Variants in PROC observed in about 807,000 individuals in gnomAD.
The protein encoded by PROC is vitamin K-dependent protein C.
In PROC, 22 loss-of-function variants were observed where a neutral mutation model predicts 36.3. The observed-to-expected ratio is 0.61, with a 90% CI of 0.43 to 0.86. The LOEUF (loss-of-function observed/expected upper bound fraction) is 0.86. PROC is among the 40% of genes least tolerant of loss of function. The pLI, the probability that PROC is intolerant of heterozygous loss-of-function variation, is 0.00. For missense variants in PROC, 526 were observed against 629.7 expected, an observed-to-expected ratio of 0.84 and a Z score of 1.76; for synonymous variants, 218 against 244.5, an observed-to-expected ratio of 0.89 and a Z score of 1.01.
rs1688197405 is a variant in PROC, at chr2:127,422,903, C to A, written c.238-14C>A. 1 of 1,558,474 alleles carries A rather than the reference C, an allele frequency of 6.4e-7. No individual in the cohort carries two copies. The highest frequency in any genetic ancestry group is 1.9e-5 in the Admixed American group (1 of 51,930). On this transcript the variant is annotated splice_polypyrimidine_tract_variant and intron_variant, in intron 3 of 8. Transcript: ENST00000234071. ...CCGGCTGCAGGAGCCTGACGCTGCC[C>A]GCTCTCTCCGCAGCTGGCCTTCTGG... is the stretch of plus-strand genomic sequence containing the variant.
rs1688721340 is a variant in PROC, at chr2:127,429,080, C to T, written c.*134C>T. The T allele has an allele frequency of 1.1e-6, 1 of 949,052 alleles. No individual in the cohort carries two copies. Among genetic ancestry groups the T allele is most frequent in the Non-Finnish European group, 1.6e-6 (1 of 613,188 alleles). 58.8% of individuals were successfully genotyped at this position (949,052 alleles called of 1,614,324 possible). A position where few individuals can be genotyped will look rare whatever the true frequency, so the allele number is the denominator to read the frequency against. On this transcript the variant is annotated 3_prime_UTR_variant, in exon 9 of 9. Transcript: ENST00000234071. ...CTCTTCTGGAGGGAAGTAACATTTA[C>T]TGAGCACCTGTTGTATGTCACATGC... is the stretch of plus-strand genomic sequence containing the variant.
rs956466492 is a variant in PROC at position 127,426,608 on chromosome 2, C to T, written c.678+381C>T. 8.5e-6 allele frequency: 3 copies of T among 352,578 alleles called. No individual in the cohort carries two copies. The Admixed American group carries it at 1.2e-4, about 14-fold the overall frequency. The allele number at this position is 352,578 out of a possible 1,614,324, so 21.8% of individuals were successfully genotyped here. A position where few individuals can be genotyped will look rare whatever the true frequency, so the allele number is the denominator to read the frequency against. Reference sequence around the variant, plus strand: ...CATGGGAACTGACACTTACTGGGTTCCCCTCTCTGCCAGGCATGGGGGAGA... The same window carrying T: ...CATGGGAACTGACACTTACTGGGTTTCCCTCTCTGCCAGGCATGGGGGAGA... On this transcript the variant is annotated intron_variant, in intron 7 of 8. Coordinates refer to ENST00000234071, the MANE Select transcript of PROC (RefSeq NM_000312.4). The surrounding 1 kb of genome is among the most constrained non-coding windows in gnomAD (Gnocchi z 7.0).
intron 6 of PROC, 197 bp downstream of exon 6, chr2:127,423,605 C>T: frequency 1.4e-6 from 1 of 716,706 alleles, no homozygotes; most frequent in Non-Finnish European, 2.1e-6. Flanking sequence ...GCTGGGCGCG[C>T]CCTCCGCTTT....
At chr2:127,424,499 T>C (rs1324048441) in intron 6 of PROC, among the ~76,000 whole-genome samples, 2 of 152,162 alleles carry the variant, frequency 1.3e-5, no homozygotes, top group Non-Finnish European at 2.9e-5. Context: ...GCGCCCAGCC[T>C]CTTTCAGGGA....
intron 6 of PROC, 113 bp downstream of exon 6, chr2:127,423,521 A>G: frequency 7.2e-7 from 1 of 1,393,698 alleles, no homozygotes; most frequent in Non-Finnish European, 9.6e-7. Flanking sequence ...GGGAGCGAGG[A>G]ACAGAGTTGA....
chr2:127,423,654 G>A (rs527709311), intron 6 of PROC: 2 of 503,548 alleles, frequency 4.0e-6, no homozygotes, highest in East Asian at 7.1e-5. Flanking sequence ...GCCTTCCTCC[G>A]GGCGCCCCCT....
At position 127,423,266 on chromosome 2, in the gene PROC, G is replaced by C; in HGVS notation, c.401-8G>C. On this transcript the variant is annotated splice_polypyrimidine_tract_variant and splice_region_variant and intron_variant, in intron 5 of 8. Coordinates refer to ENST00000234071, the MANE Select transcript of PROC (RefSeq NM_000312.4). ...GCACCAGCTGCCCGCGCCCTCCCCT[G>C]CCCGCAGAGGTGAGCTTCCTCAATT... 6.5e-7 allele frequency: 1 copy of C among 1,545,342 alleles called. No homozygotes were observed. Among genetic ancestry groups the C allele is most frequent in the South Asian group, 1.2e-5 (1 of 83,714 alleles).
chr2:127,423,994 C>A (rs1688314037), intron 6 of PROC, among the ~76,000 whole-genome samples: 1 of 152,102 alleles, frequency 6.6e-6, no homozygotes, highest in African/African-American at 2.4e-5. Context: ...CATTCATTTT[C>A]ATTAAAAGGT....
rs765637777 is a variant in PROC at position 127,428,367 on chromosome 2, C to T, written c.807C>T (p.Asp269=). The part of the protein sequence containing the change: ...KKLLVRLGEY[D]LRRWEKWELD... The stretch of plus-strand genomic sequence containing the variant: ...CCCTCTGCCCTGCAGGAGAGTATGA[C>T]CTGCGGCGCTGGGAGAAGTGGGAGC... The change falls in exon 9 of 9, where the codon GAC becomes GAT. Residue 269 remains aspartate, a synonymous_variant. Transcript: ENST00000234071. 1.9e-6 allele frequency: 3 copies of T among 1,613,972 alleles called. No homozygotes were observed. The highest frequency in any genetic ancestry group is 1.1e-5 in the South Asian group (1 of 91,082).
In PROC at chr2:127,426,101, G is replaced by GAGGC; in HGVS notation, c.553_556dup (p.Pro186GlnfsTer30). 1 of 1,614,112 alleles carries GAGGC rather than the reference G, an allele frequency of 6.2e-7. No individual in the cohort carries two copies. ...CTACCTCAGTGAAGTTCCCTTGTGGGAGGCCCTGGAAGCGGATGGAGAAGA... is the reference window on the plus strand; with the variant it reads ...CTACCTCAGTGAAGTTCCCTTGTGGGAGGCAGGCCCTGGAAGCGGATGGAGAAGA... On this transcript the variant is annotated frameshift_variant, in exon 7 of 9. Coordinates refer to ENST00000234071, the MANE Select transcript of PROC (RefSeq NM_000312.4). LOFTEE classifies it high-confidence loss of function. The surrounding 1 kb of genome is among the most constrained non-coding windows in gnomAD (Gnocchi z 7.0).
chr2:127,422,977 C>T lies in PROC; in HGVS notation c.262+36C>T, dbSNP rs201371512. ...TCTAGATCCCCGGCTGGACTACCGG[C>T]GCCCGCGCCCCTCGGGATCTCTGGC... On this transcript the variant is annotated intron_variant, in intron 4 of 8. Transcript: ENST00000234071. 3 of 1,611,650 alleles carry T rather than the reference C, an allele frequency of 1.9e-6. No homozygotes were observed. In the Admixed American group the frequency reaches 5.0e-5, roughly 27 times the overall value.
Position 127,426,064 on chromosome 2 carries a change from C to T in PROC, c.536-21C>T. On this transcript the variant is annotated intron_variant, in intron 6 of 8. Transcript: ENST00000234071. The surrounding 1 kb of genome is among the most constrained non-coding windows in gnomAD (Gnocchi z 7.0). The stretch of plus-strand genomic sequence containing the variant: ...CGGGAGGAGTGCCTGGCAGGCCCCT[C>T]ACCACCTCTGCCTACCTCAGTGAAG... 1.9e-6 allele frequency: 3 copies of T among 1,613,926 alleles called. No individual in the cohort carries two copies. The South Asian group carries it at 3.3e-5, about 18-fold the overall frequency.
intron 6 of PROC, among the ~76,000 whole-genome samples, chr2:127,425,499 T>C (rs1688433864): frequency 6.6e-6 from 1 of 152,336 alleles, no homozygotes; most frequent in African/African-American, 2.4e-5. Flanking sequence ...ATGCCTATTG[T>C]AGGAGCTCTC....
In PROC at chr2:127,422,774, A is replaced by G. The variant is rs535188418; in HGVS notation, c.238-143A>G. ...GGGGCAGGGAGCACCAGCTCCTAGC[A>G]GCCAACGACCATCGGGCGTCGATCC... On this transcript the variant is annotated intron_variant, in intron 3 of 8. Coordinates refer to ENST00000234071, the MANE Select transcript of PROC (RefSeq NM_000312.4). The G allele has an allele frequency of 4.2e-6, 5 of 1,186,464 alleles. No individual in the cohort carries two copies. The South Asian group carries it at 5.4e-5, about 13-fold the overall frequency. 73.5% of individuals were successfully genotyped at this position (1,186,464 alleles called of 1,614,324 possible). A position where few individuals can be genotyped will look rare whatever the true frequency, so the allele number is the denominator to read the frequency against.
intron 1 of PROC, among the ~76,000 whole-genome samples, chr2:127,419,416 C>T (rs1305118549): frequency 1.3e-5 from 2 of 152,296 alleles, no homozygotes; most frequent in Admixed American, 6.5e-5. Context: ...GGCACAGATA[C>T]ACCACGTTAT....
In PROC at chr2:127,426,026, A is replaced by G; in HGVS notation, c.536-59A>G. On this transcript the variant is annotated intron_variant, in intron 6 of 8. Coordinates refer to ENST00000234071, the MANE Select transcript of PROC (RefSeq NM_000312.4). The surrounding 1 kb of genome is among the most constrained non-coding windows in gnomAD (Gnocchi z 7.0). ...CCACAGGCTGGAGGAGGACCAAGAC[A>G]GGAGGGCAGTCTCGGGAGGAGTGCC... 2 of 1,609,906 alleles carry G rather than the reference A, an allele frequency of 1.2e-6. No homozygotes were observed. The highest frequency in any genetic ancestry group is 1.7e-6 in the Non-Finnish European group (2 of 1,176,950).
intron 8 of PROC, among the ~76,000 whole-genome samples, chr2:127,428,140 C>A (rs1341740430): frequency 6.6e-6 from 1 of 152,270 alleles, no homozygotes; most frequent in Non-Finnish European, 1.5e-5. Flanking sequence ...GTTGGCCACT[C>A]CTTCTGGCAG....
At position 127,422,854 on chromosome 2, in the gene PROC, A is replaced by G. The variant is rs1269699553; in HGVS notation, c.238-63A>G. 3.3e-6 allele frequency: 5 copies of G among 1,537,750 alleles called. No homozygotes were observed. In the East Asian group the frequency reaches 1.2e-4, roughly 38 times the overall value. The stretch of plus-strand genomic sequence containing the variant: ...GCCCGCTCACCCGCTGCCCTGCCCC[A>G]CCCGGGCGCGCCCCCTCCGCACACC... On this transcript the variant is annotated intron_variant, in intron 3 of 8. Coordinates refer to ENST00000234071, the MANE Select transcript of PROC (RefSeq NM_000312.4).
intron 6 of PROC, among the ~76,000 whole-genome samples, chr2:127,424,799 T>G (rs1518759): frequency 0.7 from 107,064 of 152,210 alleles, 37,857 homozygotes; most frequent in Admixed American, 0.76. Flanking sequence ...CTGCAAGGCC[T>G]TGGGAAGGCC....
Sources: allele counts gnomAD v4.1 joint callset (sites outside exome capture counted in the v4.1 genomes callset), GRCh38; gene constraint gnomAD v4.1.1; non-coding constraint Gnocchi (gnomAD v3.1); transcripts MANE v1.5; gene names NCBI Gene and HGNC (gene_info 2026-07-23, HGNC 2026-07-21).